GRIA1: variants seen among roughly 807,000 people sequenced by gnomAD.
The protein encoded by GRIA1 is glutamate receptor 1.
Under a neutral mutation model 99.2 loss-of-function variants are expected in GRIA1, and 31 were observed. That is an observed-to-expected ratio of 0.31 (90% confidence interval 0.23 to 0.42). The LOEUF (loss-of-function observed/expected upper bound fraction) is 0.42, where lower values mean the gene tolerates loss of function less well. Among genes scored for constraint, GRIA1 ranks in the 10% least tolerant of loss-of-function variants. The pLI, the probability that GRIA1 is intolerant of heterozygous loss-of-function variation, is 1.00. For synonymous variants in GRIA1, 438 were observed against 432.4 expected (o/e 1.01, Z -0.16); for missense variants, 782 against 1,157.5 (o/e 0.68, Z 4.71).
At chr5:153,563,728 G>A (rs1761364106) in intron 2 of GRIA1, among the ~76,000 whole-genome samples, 1 of 152,190 alleles carries the variant, frequency 6.6e-6, no homozygotes. Context: ...AAAGAGGTCT[G>A]TTGTCAAATA....
chr5:153,631,820 G>T (rs910098959), intron 2 of GRIA1, among the ~76,000 whole-genome samples: 1 of 152,148 alleles, frequency 6.6e-6, no homozygotes, highest in Admixed American at 6.5e-5. Flanking sequence ...TGTTGTGACC[G>T]AGAACAGCAG....
Position 153,674,519 on chromosome 5 carries a change from T to G in GRIA1, c.719T>G (p.Leu240Ter). ...TCACAGGGCTTCATGGACATTGACT[T>G]AAACAAATTCAAGGAGAGTGGCGCC... ...LANLGFMDID[L>*]NKFKESGANV... The change falls in exon 6 of 16, where the codon TTA (leucine) becomes TGA (stop). Residue 240 changes from leucine (L) to a stop codon, truncating the protein, a stop_gained. Coordinates refer to ENST00000285900, the MANE Select transcript of GRIA1 (RefSeq NM_000827.4). LOFTEE classifies it high-confidence loss of function. The G allele has an allele frequency of 1.2e-6, 2 of 1,614,080 alleles. No individual in the cohort carries two copies. Among genetic ancestry groups the G allele is most frequent in the Non-Finnish European group, 1.7e-6 (2 of 1,179,986 alleles).
At chr5:153,708,886 A>G (rs1759110391) in intron 11 of GRIA1, among the ~76,000 whole-genome samples, 1 of 152,252 alleles carries the variant, frequency 6.6e-6, no homozygotes, top group Non-Finnish European at 1.5e-5. Context: ...GTGAACTGCC[A>G]AAGGAAGTTA....
chr5:153,603,947 A>G (rs1437689198), intron 2 of GRIA1, among the ~76,000 whole-genome samples: 1 of 152,216 alleles, frequency 6.6e-6, no homozygotes, highest in Non-Finnish European at 1.5e-5. Flanking sequence ...TGGTAATACT[A>G]TTACTATACA....
intron 2 of GRIA1, among the ~76,000 whole-genome samples, chr5:153,569,535 C>T (rs1034737215): frequency 2.1e-4 from 32 of 152,152 alleles, no homozygotes; most frequent in Admixed American, 7.2e-4. Context: ...CAAAAAGCCC[C>T]GATTGAGCCT....
At chr5:153,751,445 G>T (rs1384068123) in intron 11 of GRIA1, among the ~76,000 whole-genome samples, 2 of 152,194 alleles carry the variant, frequency 1.3e-5, no homozygotes, top group African/African-American at 4.8e-5. Context: ...TGGCCCCCAG[G>T]CCAAATCCAG....
chr5:153,559,100 T>A (rs1327989145), intron 2 of GRIA1, among the ~76,000 whole-genome samples: 1 of 152,192 alleles, frequency 6.6e-6, no homozygotes, highest in African/African-American at 2.4e-5. Flanking sequence ...TGGTAACCAG[T>A]TTGATGGCTA....
chr5:153,590,294 A>T (rs533925670), intron 2 of GRIA1, among the ~76,000 whole-genome samples: 2 of 152,318 alleles, frequency 1.3e-5, no homozygotes, highest in South Asian at 4.1e-4. Context: ...AAGCTTTATT[A>T]TACCAAGTTC....
chr5:153,491,857 G>T (rs1051746568), intron 1 of GRIA1, among the ~76,000 whole-genome samples: 1 of 152,080 alleles, frequency 6.6e-6, no homozygotes, highest in Non-Finnish European at 1.5e-5. Context: ...ACTTCTCAAA[G>T]GCCCCGCCAC....
At chr5:153,619,595 TATAAAGGCAGCA>T (rs537260978) in intron 2 of GRIA1, among the ~76,000 whole-genome samples, 10 of 152,134 alleles carry the variant, frequency 6.6e-5, no homozygotes, top group African/African-American at 2.4e-4. Context: ...ATGGAAGGCT[TATAAAGGCAGCA>T]AGCAATGAGG....
chr5:153,667,939 A>G (rs1755865496), intron 5 of GRIA1, among the ~76,000 whole-genome samples: 1 of 152,234 alleles, frequency 6.6e-6, no homozygotes, highest in Non-Finnish European at 1.5e-5. Context: ...TGGAGTGACT[A>G]TATTAACTAG....
intron 11 of GRIA1, among the ~76,000 whole-genome samples, chr5:153,715,130 TC>T (rs1759577382): frequency 6.6e-6 from 1 of 152,156 alleles, no homozygotes; most frequent in Non-Finnish European, 1.5e-5. Context: ...TCTGTGTGTC[TC>T]ACTTTTTCCT....
chr5:153,535,784 AC>A (rs1758512244), intron 2 of GRIA1, among the ~76,000 whole-genome samples: 1 of 152,040 alleles, frequency 6.6e-6, no homozygotes, highest in Non-Finnish European at 1.5e-5. Context: ...GCCACAATCC[AC>A]CTAATCACCC....
chr5:153,576,261 T>C (rs17114836), intron 2 of GRIA1, among the ~76,000 whole-genome samples: 10,697 of 152,226 alleles, frequency 0.07, 417 homozygotes, highest in African/African-American at 0.083. Context: ...TTTAAGAGCT[T>C]AGAGAAAAGG....
chr5:153,503,001 A>C (rs918499017), intron 2 of GRIA1, among the ~76,000 whole-genome samples: 1 of 152,184 alleles, frequency 6.6e-6, no homozygotes, highest in Admixed American at 6.5e-5. Context: ...GATTTTTTGC[A>C]TATTACAACC....
chr5:153,809,216 A>G (rs1406912806), intron 15 of GRIA1, among the ~76,000 whole-genome samples: 2 of 152,250 alleles, frequency 1.3e-5, no homozygotes, highest in Non-Finnish European at 2.9e-5. Context: ...AGGATAAGTA[A>G]CCATTAATTT....
At chr5:153,709,882 A>T (rs72643420) in intron 11 of GRIA1, among the ~76,000 whole-genome samples, 13,785 of 152,222 alleles carry the variant, frequency 0.091, 1,170 homozygotes, top group East Asian at 0.51. Flanking sequence ...CAACCTCTAG[A>T]GTAGGCAGGG....
At chr5:153,551,156 C>T (rs972628088) in intron 2 of GRIA1, among the ~76,000 whole-genome samples, 4 of 152,014 alleles carry the variant, frequency 2.6e-5, no homozygotes, top group Non-Finnish European at 5.9e-5. Flanking sequence ...TCAGGATATG[C>T]ACAAATAGAA....
chr5:153,687,450 T>G (rs556652634), intron 8 of GRIA1, among the ~76,000 whole-genome samples: 1 of 152,254 alleles, frequency 6.6e-6, no homozygotes, highest in East Asian at 1.9e-4. Flanking sequence ...GTGCAGAAGT[T>G]CTAAGTACTG....
Sources: gnomAD v4.1 joint callset for allele counts (sites outside exome capture counted in the v4.1 genomes callset) on GRCh38, gnomAD v4.1.1 for gene constraint, MANE v1.5 for transcripts, NCBI Gene and HGNC (gene_info 2026-07-23, HGNC 2026-07-21) for gene names.